NSMCE2: variants seen among roughly 807,000 people sequenced by gnomAD.
The protein encoded by NSMCE2 is NSE2 SUMO ligase component of SMC5/6 complex.
Under a neutral mutation model 23.8 loss-of-function variants are expected in NSMCE2, and 24 were observed. The observed-to-expected ratio is 1.01, with a 90% CI of 0.73 to 1.42. NSMCE2 has a LOEUF of 1.42. Among genes scored for constraint, NSMCE2 ranks in the 40% most tolerant of loss-of-function variants. The pLI is 0.00. For missense variants in NSMCE2, 284 were observed against 296.5 expected (o/e 0.96, Z 0.31); for synonymous variants, 92 against 94.1 (o/e 0.98, Z 0.13).
At chr8:125,306,070 G>C (rs1828745520) in intron 5 of NSMCE2, among the ~76,000 whole-genome samples, 1 of 152,208 alleles carries the variant, frequency 6.6e-6, no homozygotes, top group African/African-American at 2.4e-5. Context: ...GCTCATGCCT[G>C]TAATTTTAGC....
Position 125,357,205 on chromosome 8 carries a change from C to T in NSMCE2, c.419-14C>T, listed in dbSNP as rs189778545. On this transcript the variant is annotated splice_polypyrimidine_tract_variant and intron_variant, in intron 5 of 7. Transcript: ENST00000287437. Reference sequence around the variant, plus strand: ...TAGACCAGAGAGGCTTATCAACTCTCCATTTTCCTCTAGGTGGTCTTCAAG... The same window carrying T: ...TAGACCAGAGAGGCTTATCAACTCTTCATTTTCCTCTAGGTGGTCTTCAAG... 2.0e-6 allele frequency: 3 copies of T among 1,533,556 alleles called. No individual in the cohort carries two copies. The highest frequency in any genetic ancestry group is 2.7e-6 in the Non-Finnish European group (3 of 1,106,818). 95.0% of individuals were successfully genotyped at this position (1,533,556 alleles called of 1,614,324 possible). A position where few individuals can be genotyped will look rare whatever the true frequency, so the allele number is the denominator to read the frequency against.
chr8:125,191,103 C>G (rs1424215883), intron 5 of NSMCE2, among the ~76,000 whole-genome samples: 1 of 152,146 alleles, frequency 6.6e-6, no homozygotes, highest in Admixed American at 6.5e-5. Context: ...AACTCCTGAC[C>G]TCAGGTGATC....
At chr8:125,233,502 A>T (rs1456221563) in intron 5 of NSMCE2, among the ~76,000 whole-genome samples, 1 of 152,176 alleles carries the variant, frequency 6.6e-6, no homozygotes, top group Non-Finnish European at 1.5e-5. Flanking sequence ...TATTAGTACT[A>T]TTAGGTAATA....
chr8:125,118,995 T>C (rs969102143), intron 3 of NSMCE2, among the ~76,000 whole-genome samples: 1 of 152,254 alleles, frequency 6.6e-6, no homozygotes, highest in Non-Finnish European at 1.5e-5. Flanking sequence ...AAATTTCTTG[T>C]AATTTTGTCC....
At chr8:125,125,901 G>A (rs1374838689) in intron 3 of NSMCE2, among the ~76,000 whole-genome samples, 2 of 152,142 alleles carry the variant, frequency 1.3e-5, no homozygotes, top group African/African-American at 2.4e-5. Context: ...ACTGTGGAGG[G>A]TTTGTGTCAC....
chr8:125,260,473 C>T (rs1826640837), intron 5 of NSMCE2, among the ~76,000 whole-genome samples: 1 of 150,886 alleles, frequency 6.6e-6, no homozygotes, highest in Admixed American at 6.7e-5. Flanking sequence ...CCCACTAGAT[C>T]TGGGTTCTAG....
At chr8:125,153,147 CTCTT>C (rs1821133060) in intron 4 of NSMCE2, among the ~76,000 whole-genome samples, 1 of 150,934 alleles carries the variant, frequency 6.6e-6, no homozygotes, top group Non-Finnish European at 1.5e-5. Flanking sequence ...AAACTTCTCA[CTCTT>C]TCTCACATTC....
Position 125,360,338 on chromosome 8 carries a change from C to A in NSMCE2, c.626+2520C>A, listed in dbSNP as rs544095132. On this transcript the variant is annotated intron_variant, in intron 7 of 7. Transcript: ENST00000287437. ...GGTTATCAGTATAGACGAGTCAACC[C>A]GCTCAACTACCGTCACAGATGCAGC... Among the ~76,000 whole-genome samples the A allele has an allele frequency of 3.3e-5, 5 of 152,272 alleles. No individual in the cohort carries two copies. In the East Asian group the frequency reaches 9.6e-4, roughly 29 times the overall value.
At chr8:125,286,133 A>G (rs1329139979) in intron 5 of NSMCE2, among the ~76,000 whole-genome samples, 1 of 152,006 alleles carries the variant, frequency 6.6e-6, no homozygotes, top group African/African-American at 2.4e-5. Flanking sequence ...GGATCACAAG[A>G]CTACCAGAAA....
intron 3 of NSMCE2, among the ~76,000 whole-genome samples, chr8:125,123,390 G>C (rs929921862): frequency 9.2e-5 from 14 of 152,190 alleles, no homozygotes; most frequent in African/African-American, 3.4e-4. Flanking sequence ...GAAATATAAA[G>C]ATATGGAGAT....
intron 5 of NSMCE2, among the ~76,000 whole-genome samples, chr8:125,334,772 CTTTTTTT>C (rs34213706): frequency 1.4e-4 from 8 of 55,876 alleles, no homozygotes; most frequent in Non-Finnish European, 1.9e-4. Flanking sequence ...AGTATCTTTT[CTTTTTTT>C]TTTTTTTTTT....
chr8:125,258,539 C>G (rs1028613128), intron 5 of NSMCE2, among the ~76,000 whole-genome samples: 4 of 152,044 alleles, frequency 2.6e-5, no homozygotes, highest in African/African-American at 9.6e-5. Flanking sequence ...TCAGCCTGGA[C>G]AAAAGCAAAG....
At chr8:125,290,208 G>A (rs1248793896) in intron 5 of NSMCE2, among the ~76,000 whole-genome samples, 1 of 152,084 alleles carries the variant, frequency 6.6e-6, no homozygotes, top group Admixed American at 6.6e-5. Context: ...CTACGAAAAT[G>A]AATGAGATTA....
intron 5 of NSMCE2, among the ~76,000 whole-genome samples, chr8:125,198,170 AC>A (rs1356830771): frequency 1.2e-4 from 19 of 152,168 alleles, no homozygotes; most frequent in Admixed American, 1.2e-3. Flanking sequence ...CTTATTGAAT[AC>A]CCTTTATTTC....
At chr8:125,093,941 T>A (rs896677354) in intron 1 of NSMCE2, among the ~76,000 whole-genome samples, 12 of 151,798 alleles carry the variant, frequency 7.9e-5, no homozygotes, top group Admixed American at 6.6e-5. Context: ...GGACAATAGG[T>A]GCAAGCCACT....
chr8:125,237,151 G>T (rs1563736320), intron 5 of NSMCE2, among the ~76,000 whole-genome samples: 3 of 152,166 alleles, frequency 2.0e-5, no homozygotes, highest in Admixed American at 1.3e-4. Flanking sequence ...ACCATGTGGT[G>T]CCCCTCTTGA....
chr8:125,173,507 A>G (rs930050836), intron 4 of NSMCE2, among the ~76,000 whole-genome samples: 1 of 152,228 alleles, frequency 6.6e-6, no homozygotes, highest in Non-Finnish European at 1.5e-5. Flanking sequence ...ATTCTGAAAG[A>G]TGATCTTCTA....
At chr8:125,253,828 G>A (rs1826295749) in intron 5 of NSMCE2, among the ~76,000 whole-genome samples, 1 of 152,110 alleles carries the variant, frequency 6.6e-6, no homozygotes, top group Admixed American at 6.5e-5. Flanking sequence ...AAAAGAAAAA[G>A]TTTATTCCTT....
Position 125,276,601 on chromosome 8 carries a change from C to T in NSMCE2, c.419-80618C>T, listed in dbSNP as rs183950522. On this transcript the variant is annotated intron_variant, in intron 5 of 7. Transcript: ENST00000287437. ...TATTATATCTGATTGTATATACAGT[C>T]CCTCATAGAGTGTCTGACTTATGGT... Among the ~76,000 whole-genome samples the T allele has an allele frequency of 1.0e-3, 157 of 151,592 alleles. 1 individual carries two copies. Among genetic ancestry groups the T allele is most frequent in the Middle Eastern group, 6.8e-3 (2 of 294 alleles).
Sources: allele counts gnomAD v4.1 joint callset (sites outside exome capture counted in the v4.1 genomes callset), GRCh38; gene constraint gnomAD v4.1.1; transcripts MANE v1.5; gene names NCBI Gene and HGNC (gene_info 2026-07-23, HGNC 2026-07-21).